Variants in SGCD observed in about 807,000 individuals in gnomAD.
SGCD encodes the protein sarcoglycan delta, also known as delta-sarcoglycan.
A neutral mutation model predicts 36.6 loss-of-function variants in SGCD; 18 were observed. That is an observed-to-expected ratio of 0.49 (90% CI 0.34 to 0.73). The LOEUF is 0.73. Ranked by LOEUF, SGCD falls within the 30% of genes least tolerant of loss-of-function variation. SGCD has a pLI of 0.01. For synonymous variants in SGCD, 133 were observed against 130.6 expected, an observed-to-expected ratio of 1.02 and a Z score of -0.12; for missense variants, 387 against 346.7, an observed-to-expected ratio of 1.12 and a Z score of -0.92.
intron 1 of SGCD, among the ~76,000 whole-genome samples, chr5:156,107,885 T>C (rs767641633): frequency 6.6e-6 from 1 of 152,306 alleles, no homozygotes; most frequent in Middle Eastern, 3.4e-3. Context: ...CATGTGCTTT[T>C]ACAAACAAGA....
chr5:156,479,527 C>T (rs775001484), intron 3 of SGCD, among the ~76,000 whole-genome samples: 4 of 152,162 alleles, frequency 2.6e-5, no homozygotes, highest in South Asian at 2.1e-4. Context: ...CCTCTGTAGG[C>T]ATTTGAGTTT....
intron 4 of SGCD, among the ~76,000 whole-genome samples, chr5:156,534,660 C>A (rs563933305): frequency 1.3e-5 from 2 of 152,278 alleles, no homozygotes; most frequent in Non-Finnish European, 2.9e-5. Flanking sequence ...TAAAGTCAGA[C>A]AAAACTGTGT....
intron 3 of SGCD, among the ~76,000 whole-genome samples, chr5:156,352,115 G>T (rs1769291325): frequency 6.6e-6 from 1 of 152,152 alleles, no homozygotes; most frequent in Non-Finnish European, 1.5e-5. Context: ...AGCCCAATCA[G>T]AATAACCTGG....
the SGCD span, among the ~76,000 whole-genome samples, chr5:155,731,527 A>C: frequency 6.6e-6 from 1 of 152,190 alleles, no homozygotes; most frequent in Non-Finnish European, 1.5e-5. Flanking sequence ...TGAATTATGC[A>C]GAAATTGGAC....
At chr5:155,997,581 CTT>C (rs887867515) in intron 1 of SGCD, among the ~76,000 whole-genome samples, 2 of 152,224 alleles carry the variant, frequency 1.3e-5, no homozygotes, top group African/African-American at 4.8e-5. Flanking sequence ...TTGTTCCTCT[CTT>C]GTTTTAAGTG....
rs1581544648 is a variant in SGCD at position 156,762,163 on chromosome 5, G to A, written c.*2773G>A. On this transcript the variant is annotated 3_prime_UTR_variant, in exon 9 of 9. Coordinates refer to ENST00000337851, the MANE Select transcript of SGCD (RefSeq NM_000337.6). ...CTAACGCCTACTTTTTAAAAAATGA[G>A]ATTCTTTCTAATCTTTATATATGAC... The A allele has an allele frequency of 6.6e-6, 1 of 152,488 alleles. No individual in the cohort carries two copies. The highest frequency in any genetic ancestry group is 6.5e-5 in the Admixed American group (1 of 15,286). 9.4% of individuals were successfully genotyped at this position (152,488 alleles called of 1,614,324 possible).
chr5:155,822,499 A>G, the SGCD span, among the ~76,000 whole-genome samples: 1 of 152,222 alleles, frequency 6.6e-6, no homozygotes, highest in African/African-American at 2.4e-5. Context: ...AACCTTGAAC[A>G]ATAATTATTT....
the SGCD span, among the ~76,000 whole-genome samples, chr5:155,757,016 A>G: frequency 2.0e-5 from 3 of 152,184 alleles, no homozygotes; most frequent in Non-Finnish European, 4.4e-5. Context: ...GGGTGATACC[A>G]GTCTATCAGC....
At chr5:156,656,017 T>A (rs183943829) in intron 7 of SGCD, among the ~76,000 whole-genome samples, 1 of 152,258 alleles carries the variant, frequency 6.6e-6, no homozygotes, top group Non-Finnish European at 1.5e-5. Flanking sequence ...CCTACGAGAA[T>A]AGGAAGTAGA....
intron 3 of SGCD, among the ~76,000 whole-genome samples, chr5:156,286,973 T>A (rs1766621790): frequency 6.6e-6 from 1 of 152,142 alleles, no homozygotes; most frequent in African/African-American, 2.4e-5. Flanking sequence ...CACTCTGTGT[T>A]AATGGACAGA....
chr5:156,437,813 G>GT (rs1753307287), intron 3 of SGCD, among the ~76,000 whole-genome samples: 1 of 152,094 alleles, frequency 6.6e-6, no homozygotes, highest in African/African-American at 2.4e-5. Flanking sequence ...ATATATATGT[G>GT]TTTTTTAACT....
chr5:156,295,988 T>G (rs893088016), intron 3 of SGCD, among the ~76,000 whole-genome samples: 1 of 152,176 alleles, frequency 6.6e-6, no homozygotes, highest in Non-Finnish European at 1.5e-5. Flanking sequence ...GACATGAATG[T>G]TAAATCAGAT....
intron 3 of SGCD, among the ~76,000 whole-genome samples, chr5:156,354,666 A>G (rs965310568): frequency 2.0e-5 from 3 of 152,220 alleles, no homozygotes; most frequent in Non-Finnish European, 4.4e-5. Context: ...TCACACATGG[A>G]AACTTCAGTT....
At chr5:156,341,709 ATTTAC>A (rs1285384187) in intron 2 of SGCD, among the ~76,000 whole-genome samples, 2 of 151,900 alleles carry the variant, frequency 1.3e-5, no homozygotes, top group Non-Finnish European at 2.9e-5. Flanking sequence ...TTAAAATTTT[ATTTAC>A]TTATTTATTT....
intron 3 of SGCD, among the ~76,000 whole-genome samples, chr5:156,494,696 A>T (rs770804489): frequency 6.6e-6 from 1 of 152,160 alleles, no homozygotes; most frequent in Non-Finnish European, 1.5e-5. Context: ...TCCTCGTGGT[A>T]TCTTCTTCAA....
chr5:156,029,914 T>C (rs1402900402), intron 1 of SGCD, among the ~76,000 whole-genome samples: 1 of 152,202 alleles, frequency 6.6e-6, no homozygotes, highest in African/African-American at 2.4e-5. Flanking sequence ...TCCTGTCTAC[T>C]CATTAAGCAG....
chr5:155,896,935 T>C (rs1352594694), intron 1 of SGCD, among the ~76,000 whole-genome samples: 2 of 152,254 alleles, frequency 1.3e-5, no homozygotes, highest in Non-Finnish European at 2.9e-5. Flanking sequence ...TGTGGTTCTT[T>C]GTTTCTTCAT....
intron 1 of SGCD, among the ~76,000 whole-genome samples, chr5:155,905,796 AT>A (rs1435438617): frequency 1.1e-4 from 16 of 151,284 alleles, no homozygotes; most frequent in African/African-American, 2.9e-4. Context: ...CTTTTTCCTC[AT>A]TTTTCTCTTG....
chr5:155,803,345 G>C, the SGCD span, among the ~76,000 whole-genome samples: 14 of 152,276 alleles, frequency 9.2e-5, no homozygotes, highest in African/African-American at 3.4e-4. Context: ...ATGAGAATAC[G>C]GGCAGGGCTA....
Sources: gnomAD v4.1 joint callset for allele counts (sites outside exome capture counted in the v4.1 genomes callset) on GRCh38, gnomAD v4.1.1 for gene constraint, MANE v1.5 for transcripts, NCBI Gene and HGNC (gene_info 2026-07-23, HGNC 2026-07-21) for gene names.